SIPA1L2: variants seen among roughly 807,000 people sequenced by gnomAD.
SIPA1L2 encodes signal-induced proliferation-associated 1-like protein 2.
In SIPA1L2, 56 loss-of-function variants were observed where a neutral mutation model predicts 163.9. The ratio of observed to expected loss-of-function variants is 0.34; its 90% confidence interval spans 0.28 to 0.43. The LOEUF (loss-of-function observed/expected upper bound fraction) is 0.43, where lower values mean the gene tolerates loss of function less well. Ranked by LOEUF, SIPA1L2 falls within the 20% of genes least tolerant of loss-of-function variation. SIPA1L2 has a pLI of 1.00. For missense variants in SIPA1L2, 1,974 were observed against 2,193.5 expected (o/e 0.90, Z 2.00); for synonymous variants, 877 against 865.7 (o/e 1.01, Z -0.23).
chr1:232,551,703 T>A (rs1464335450), intron 2 of SIPA1L2, among the ~76,000 whole-genome samples: 1 of 152,186 alleles, frequency 6.6e-6, no homozygotes, highest in Admixed American at 6.5e-5. Flanking sequence ...CTGGAGCAAA[T>A]GATTCAGATT....
At position 232,469,472 on chromosome 1, in the gene SIPA1L2, T is replaced by C. The variant is rs139450352; in HGVS notation, c.2243+1899A>G. On this transcript the variant is annotated intron_variant, in intron 8 of 22. Coordinates refer to ENST00000674635, the MANE Select transcript of SIPA1L2 (RefSeq NM_020808.5). ...TAAAATGTTATGGAATTCATGTGAC[T>C]ACAGGATTACTCAAGATTATTATTG... 3.3e-5 allele frequency among the ~76,000 whole-genome samples: 5 copies of C among 152,340 alleles called. No individual in the cohort carries two copies. In the East Asian group the frequency reaches 9.7e-4, roughly 29 times the overall value.
At chr1:232,601,975 A>T (rs934429495) in intron 1 of SIPA1L2, among the ~76,000 whole-genome samples, 5 of 152,166 alleles carry the variant, frequency 3.3e-5, no homozygotes, top group Admixed American at 1.3e-4. Context: ...TATGTTTTTT[A>T]AAAATTATTT....
intron 2 of SIPA1L2, among the ~76,000 whole-genome samples, chr1:232,572,756 TATATATATATATATATATATA>T (rs1659850981): frequency 1.5e-5 from 1 of 67,174 alleles, no homozygotes; most frequent in East Asian, 4.6e-4. Flanking sequence ...TATATATATA[TATATATATATATATATATATA>T]TATTTATTTA....
At chr1:232,608,047 C>CAAAAAA (rs56208215) in intron 1 of SIPA1L2, among the ~76,000 whole-genome samples, 6 of 67,494 alleles carry the variant, frequency 8.9e-5, no homozygotes, top group South Asian at 6.6e-4. Flanking sequence ...AACTCCATCT[C>CAAAAAA]AAAAAAAAAA....
In SIPA1L2 at chr1:232,629,043, T is replaced by C. The variant is rs1259293034; in HGVS notation, c.-319+826A>G. Among the ~76,000 whole-genome samples, 4 of 152,198 alleles carry C rather than the reference T, an allele frequency of 2.6e-5. No individual in the cohort carries two copies. The East Asian group carries it at 7.7e-4, about 29-fold the overall frequency. ...TTGGTGAGCACAATTCCGTAACCAATGCACTTGATTTTTTCCAATACTCAG... is the reference window on the plus strand; with the variant it reads ...TTGGTGAGCACAATTCCGTAACCAACGCACTTGATTTTTTCCAATACTCAG... On this transcript the variant is annotated intron_variant, in intron 1 of 22. Transcript: ENST00000674635.
chr1:232,521,353 T>C (rs1433770324), intron 2 of SIPA1L2, among the ~76,000 whole-genome samples: 1 of 152,188 alleles, frequency 6.6e-6, no homozygotes, highest in Non-Finnish European at 1.5e-5. Context: ...TTAAGAATTT[T>C]TTCATTGGAG....
At chr1:232,418,775 C>G (rs1024807020) in intron 18 of SIPA1L2, among the ~76,000 whole-genome samples, 2 of 152,174 alleles carry the variant, frequency 1.3e-5, no homozygotes, top group Non-Finnish European at 2.9e-5. Flanking sequence ...TATTGTCCCC[C>G]CTCCTCCAGT....
chr1:232,581,043 TCTC>T (rs1329203360), intron 1 of SIPA1L2, among the ~76,000 whole-genome samples: 1 of 152,004 alleles, frequency 6.6e-6, no homozygotes, highest in African/African-American at 2.4e-5. Context: ...TCCTGACAAA[TCTC>T]CTCCTCCACC....
chr1:232,429,231 G>T (rs372735826), intron 16 of SIPA1L2, among the ~76,000 whole-genome samples: 1 of 152,194 alleles, frequency 6.6e-6, no homozygotes, highest in Non-Finnish European at 1.5e-5. Flanking sequence ...TACAGTCTGA[G>T]CAACCAAATA....
chr1:232,545,195 G>A (rs551054147), intron 2 of SIPA1L2, among the ~76,000 whole-genome samples: 2 of 152,308 alleles, frequency 1.3e-5, no homozygotes, highest in Non-Finnish European at 2.9e-5. Context: ...TGCCGTAAGC[G>A]TAAACTCTTC....
At chr1:232,617,088 G>A (rs1309656098) in intron 1 of SIPA1L2, among the ~76,000 whole-genome samples, 1 of 152,144 alleles carries the variant, frequency 6.6e-6, no homozygotes, top group Non-Finnish European at 1.5e-5. Flanking sequence ...GAATTAATTA[G>A]AAATAATTCC....
At chr1:232,569,665 T>C (rs2102770467) in intron 2 of SIPA1L2, among the ~76,000 whole-genome samples, 1 of 152,156 alleles carries the variant, frequency 6.6e-6, no homozygotes, top group Middle Eastern at 3.4e-3. Context: ...ATACAAAAAT[T>C]AGCTGGGCGT....
At chr1:232,443,370 AC>A (rs1456031763) in intron 12 of SIPA1L2, among the ~76,000 whole-genome samples, 1 of 152,116 alleles carries the variant, frequency 6.6e-6, no homozygotes, top group Non-Finnish European at 1.5e-5. Flanking sequence ...TGTTCTGAAA[AC>A]CTTTCCTCAT....
intron 1 of SIPA1L2, among the ~76,000 whole-genome samples, chr1:232,577,775 A>G (rs990385392): frequency 2.0e-5 from 3 of 152,226 alleles, no homozygotes; most frequent in Non-Finnish European, 4.4e-5. Context: ...ACTCAGGATC[A>G]AACTTGAATG....
At chr1:232,571,452 T>A (rs111787557) in intron 2 of SIPA1L2, among the ~76,000 whole-genome samples, 3 of 152,318 alleles carry the variant, frequency 2.0e-5, no homozygotes, top group African/African-American at 7.2e-5. Flanking sequence ...CAGGAGAGAT[T>A]TATGCTCCAT....
In SIPA1L2 at chr1:232,445,522, G is replaced by C; in HGVS notation, c.3353+7C>G. The C allele has an allele frequency of 6.2e-7, 1 of 1,613,514 alleles. No homozygotes were observed. The highest frequency in any genetic ancestry group is 1.1e-5 in the South Asian group (1 of 91,062). On this transcript the variant is annotated splice_region_variant and intron_variant, in intron 11 of 22. Coordinates refer to ENST00000674635, the MANE Select transcript of SIPA1L2 (RefSeq NM_020808.5). ...GGCCCCCCTTGAGGAAACGGAACCA[G>C]CATTACCTCGTGCCATCGGGCAGCT...
intron 19 of SIPA1L2, among the ~76,000 whole-genome samples, chr1:232,408,581 C>CA (rs1437764048): frequency 6.6e-6 from 1 of 152,012 alleles, no homozygotes. Flanking sequence ...TTTTCATATT[C>CA]AAAAAGTGTG....
chr1:232,572,821 C>G (rs1198937631), intron 2 of SIPA1L2, among the ~76,000 whole-genome samples: 1 of 148,790 alleles, frequency 6.7e-6, no homozygotes, highest in Non-Finnish European at 1.5e-5. Context: ...TCTAGCTGCC[C>G]AGGCTGGAGT....
intron 9 of SIPA1L2, among the ~76,000 whole-genome samples, chr1:232,461,895 G>A (rs1173431682): frequency 1.3e-5 from 2 of 152,152 alleles, no homozygotes; most frequent in Non-Finnish European, 2.9e-5. Context: ...CAGATCCATG[G>A]TGGGGGCAGG....
Sources: gnomAD v4.1 joint callset for allele counts (sites outside exome capture counted in the v4.1 genomes callset) on GRCh38, gnomAD v4.1.1 for gene constraint, MANE v1.5 for transcripts, NCBI Gene and HGNC (gene_info 2026-07-23, HGNC 2026-07-21) for gene names.